The following THSD4 variants were observed in gnomAD, a reference collection of about 807,000 sequenced individuals.
The protein encoded by THSD4 is thrombospondin type 1 domain containing 4.
Under a neutral mutation model 119.0 loss-of-function variants are expected in THSD4, and 69 were observed. The ratio of observed to expected loss-of-function variants is 0.58; its 90% CI spans 0.48 to 0.71. THSD4 has a LOEUF of 0.71. THSD4 is among the 30% of genes least tolerant of loss of function. The probability of loss-of-function intolerance (pLI) is 0.00; values close to 1 mark genes in which losing one functional copy is unlikely to be tolerated. For missense variants in THSD4, 1,393 were observed against 1,391.1 expected, an observed-to-expected ratio of 1.00 and a Z score of -0.02; for synonymous variants, 524 against 540.4, an observed-to-expected ratio of 0.97 and a Z score of 0.42.
chr15:71,587,653 T>C (rs1467639647), intron 7 of THSD4, among the ~76,000 whole-genome samples: 43 of 131,010 alleles, frequency 3.3e-4, no homozygotes, highest in Non-Finnish European at 5.9e-4. Context: ...GGGATAGCAT[T>C]GGGAGATATA....
chr15:71,527,628 T>G (rs973464991), intron 7 of THSD4, among the ~76,000 whole-genome samples: 2 of 152,062 alleles, frequency 1.3e-5, no homozygotes, highest in African/African-American at 4.8e-5. Context: ...TTTTTTCTTT[T>G]GGATTTTCTT....
chr15:71,518,461 G>A (rs1271578770), intron 7 of THSD4, among the ~76,000 whole-genome samples: 1 of 152,116 alleles, frequency 6.6e-6, no homozygotes, highest in Non-Finnish European at 1.5e-5. Context: ...ACTGGGTTTT[G>A]TACTGCTCCA....
chr15:71,691,742 G>A (rs1215666949), intron 8 of THSD4, among the ~76,000 whole-genome samples: 2 of 152,124 alleles, frequency 1.3e-5, no homozygotes, highest in Non-Finnish European at 2.9e-5. Flanking sequence ...TTTAGGGTGT[G>A]AGAGAGATTG....
chr15:71,366,365 A>G (rs549723323), intron 6 of THSD4, among the ~76,000 whole-genome samples: 7 of 152,116 alleles, frequency 4.6e-5, no homozygotes, highest in African/African-American at 1.2e-4. Flanking sequence ...CGGCTGTCCA[A>G]GATTTTTTAC....
chr15:71,242,369 G>A (rs997366271), intron 4 of THSD4, among the ~76,000 whole-genome samples: 13 of 152,252 alleles, frequency 8.5e-5, no homozygotes, highest in African/African-American at 3.1e-4. Flanking sequence ...GCTGACCATA[G>A]TTTACTGTTC....
intron 5 of THSD4, among the ~76,000 whole-genome samples, chr15:71,243,613 G>A (rs571283208): frequency 1.3e-5 from 2 of 151,986 alleles, no homozygotes; most frequent in Non-Finnish European, 2.9e-5. Context: ...TAACTGGTGT[G>A]GAAGTATGTT....
intron 5 of THSD4, among the ~76,000 whole-genome samples, chr15:71,246,653 C>T (rs1456153920): frequency 6.6e-6 from 1 of 152,056 alleles, no homozygotes; most frequent in Non-Finnish European, 1.5e-5. Context: ...TTAAGCATTC[C>T]AGCATGTCTC....
intron 7 of THSD4, among the ~76,000 whole-genome samples, chr15:71,585,174 A>G (rs1477374852): frequency 1.3e-5 from 2 of 152,214 alleles, no homozygotes; most frequent in African/African-American, 4.8e-5. Context: ...TACCATTGTT[A>G]GTGAGTTTTA....
intron 7 of THSD4, among the ~76,000 whole-genome samples, chr15:71,644,139 AC>A (rs2050922404): frequency 6.6e-6 from 1 of 152,158 alleles, no homozygotes; most frequent in African/African-American, 2.4e-5. Flanking sequence ...TCAACAGAAA[AC>A]AGTAGGACTC....
At chr15:71,477,985 G>A (rs1443604420) in intron 7 of THSD4, among the ~76,000 whole-genome samples, 1 of 152,124 alleles carries the variant, frequency 6.6e-6, no homozygotes, top group African/African-American at 2.4e-5. Flanking sequence ...GTGTGCTCAA[G>A]CCCCAAGGCT....
chr15:71,284,241 T>C (rs1012933862), intron 6 of THSD4, among the ~76,000 whole-genome samples: 3 of 152,162 alleles, frequency 2.0e-5, no homozygotes, highest in African/African-American at 7.2e-5. Flanking sequence ...TTCCTTGCTA[T>C]TGAGGAAAAA....
chr15:71,618,388 G>A (rs2050357849), intron 7 of THSD4, among the ~76,000 whole-genome samples: 1 of 152,200 alleles, frequency 6.6e-6, no homozygotes, highest in South Asian at 2.1e-4. Flanking sequence ...ACGCATATGT[G>A]TCGACGTGGA....
intron 7 of THSD4, among the ~76,000 whole-genome samples, chr15:71,589,172 G>C (rs2049748153): frequency 6.6e-6 from 1 of 152,148 alleles, no homozygotes; most frequent in Admixed American, 6.5e-5. Flanking sequence ...CTTATACAGT[G>C]AATTTAGTGG....
chr15:71,186,394 CA>C (rs1162465383), intron 3 of THSD4: 2 of 152,256 alleles, frequency 1.3e-5, no homozygotes, highest in African/African-American at 4.8e-5. Context: ...CATGGAAGAG[CA>C]ACCTGTGTTT....
rs1328031221 is a variant in THSD4, at chr15:71,427,967, G to T, written c.1152+16144G>T. ...ACCCAAGAGACAGAAGAGAGGTTAG[G>T]ATCCCCTCCCCTAGCTTTATGAAAG... is the stretch of plus-strand genomic sequence containing the variant. On this transcript the variant is annotated intron_variant, in intron 7 of 17. Coordinates refer to ENST00000261862, the MANE Select transcript of THSD4 (RefSeq NM_024817.3). Among the ~76,000 whole-genome samples the T allele has an allele frequency of 3.3e-5, 5 of 152,090 alleles. No individual in the cohort carries two copies. In the East Asian group the frequency reaches 9.6e-4, roughly 29 times the overall value.
chr15:71,499,546 G>A (rs573897751), intron 7 of THSD4, among the ~76,000 whole-genome samples: 8 of 149,148 alleles, frequency 5.4e-5, no homozygotes, highest in Middle Eastern at 3.6e-3. Flanking sequence ...ATTTTTAAGT[G>A]TATAGTACAA....
chr15:71,561,906 A>T (rs1165382094), intron 7 of THSD4, among the ~76,000 whole-genome samples: 1 of 30,768 alleles, frequency 3.3e-5, no homozygotes, highest in Non-Finnish European at 7.0e-5. Context: ...ACACACACAC[A>T]CACACACACA....
chr15:71,341,593 A>G lies in THSD4; in HGVS notation c.1016-70094A>G, dbSNP rs765990813. ...TCAGATACTTCGTGGCTTTTCGTAT[A>G]TGCATACCCTTGATGGCCTGAGCAG... On this transcript the variant is annotated intron_variant, in intron 6 of 17. Transcript: ENST00000261862. 10 of 1,596,290 alleles carry G rather than the reference A, an allele frequency of 6.3e-6. No homozygotes were observed. The African/African-American group carries it at 1.1e-4, about 17-fold the overall frequency.
intron 3 of THSD4, among the ~76,000 whole-genome samples, chr15:71,169,352 T>C (rs1456074080): frequency 2.0e-5 from 3 of 152,224 alleles, no homozygotes; most frequent in African/African-American, 7.2e-5. Context: ...GTAAACCACT[T>C]TGAAAAACTG....
Sources: allele counts gnomAD v4.1 joint callset (sites outside exome capture counted in the v4.1 genomes callset), GRCh38; gene constraint gnomAD v4.1.1; transcripts MANE v1.5; gene names NCBI Gene and HGNC (gene_info 2026-07-23, HGNC 2026-07-21).